The following P2RY8 variants were observed in gnomAD, a reference collection of about 807,000 sequenced individuals.
The protein encoded by P2RY8 is S-geranylgeranyl-glutathione receptor P2RY8.
In P2RY8, 6 loss-of-function variants were observed where a neutral mutation model predicts 10.0. The ratio of observed to expected loss-of-function variants is 0.60; its 90% CI spans 0.33 to 1.19. The LOEUF is 1.19. Among genes scored for constraint, P2RY8 ranks in the 50% most tolerant of loss-of-function variants. P2RY8 has a pLI of 0.04. For synonymous variants in P2RY8, 276 were observed against 252.5 expected (o/e 1.09, Z -0.88); for missense variants, 456 against 542.0 (o/e 0.84, Z 1.58).
chrX:1,524,645 A>ATCCATGCATCCATC (rs1569538712), intron 1 of P2RY8, among the ~76,000 whole-genome samples: 1 of 42,220 alleles, frequency 2.4e-5, no homozygotes, highest in Non-Finnish European at 4.6e-5. Context: ...ATCCATCCAT[A>ATCCATGCATCCATC]CATCCATCCA....
At chrX:1,497,976 G>A (rs1435507690) in intron 1 of P2RY8, among the ~76,000 whole-genome samples, 1 of 152,000 alleles carries the variant, frequency 6.6e-6, no homozygotes, top group Non-Finnish European at 1.5e-5. Flanking sequence ...GTACACTCCC[G>A]CCGGGTGCCA....
chrX:1,509,483 GCATC>G (rs768584539), intron 1 of P2RY8, among the ~76,000 whole-genome samples: 139 of 124,758 alleles, frequency 1.1e-3, no homozygotes, highest in African/African-American at 4.2e-3. Flanking sequence ...TATCATCTAT[GCATC>G]CATCCATCCA....
chrX:1,498,310 G>A (rs2092137966), intron 1 of P2RY8, among the ~76,000 whole-genome samples: 2 of 148,886 alleles, frequency 1.3e-5, no homozygotes, highest in African/African-American at 4.9e-5. Flanking sequence ...GGAGGCTGAG[G>A]CAGGAGAATG....
intron 1 of P2RY8, 49 bp from the exon 2 acceptor site, chrX:1,466,631 AGGC>A: frequency 3.3e-6 from 5 of 1,515,454 alleles, no homozygotes; most frequent in Non-Finnish European, 3.5e-6. Flanking sequence ...GCAGGTAAAG[AGGC>A]GGCTGCCGGG....
chrX:1,491,998 C>A (rs1214612743), intron 1 of P2RY8, among the ~76,000 whole-genome samples: 2 of 152,224 alleles, frequency 1.3e-5, no homozygotes, highest in African/African-American at 2.4e-5. Flanking sequence ...TCCCTCCGGT[C>A]CACTTTGGTC....
In P2RY8 at chrX:1,524,886, CATCT is replaced by C. The variant is rs1451654865; in HGVS notation, c.-25+12031_-25+12034del. Among the ~76,000 whole-genome samples, 59 of 71,028 alleles carry C rather than the reference CATCT, an allele frequency of 8.3e-4. 1 individual carries two copies. The highest frequency in any genetic ancestry group is 2.4e-3 in the African/African-American group (55 of 22,878). 46.6% of individuals were successfully genotyped at this position (71,028 alleles called of 152,430 possible). On this transcript the variant is annotated intron_variant, in intron 1 of 1. Transcript: ENST00000381297. ...TCAACCATCCACTCATCCATCCATC[CATCT>C]ATCCATCCATCCATCCATCCATCCA...
chrX:1,477,611 T>C (rs1271042857), intron 1 of P2RY8, among the ~76,000 whole-genome samples: 10 of 152,216 alleles, frequency 6.6e-5, no homozygotes, highest in Non-Finnish European at 1.3e-4. Flanking sequence ...CAAATGTGAA[T>C]GATTCAGGTA....
intron 1 of P2RY8, among the ~76,000 whole-genome samples, chrX:1,493,803 C>A (rs185479148): frequency 4.3e-4 from 66 of 152,272 alleles, no homozygotes; most frequent in African/African-American, 1.4e-3. Flanking sequence ...TCTTTTCTTG[C>A]GGCAACGTCT....
chrX:1,516,903 C>T (rs1208951982), intron 1 of P2RY8, among the ~76,000 whole-genome samples: 1 of 143,998 alleles, frequency 6.9e-6, no homozygotes, highest in African/African-American at 2.6e-5. Flanking sequence ...GCCTCCAGGG[C>T]TGTGGGACAA....
chrX:1,465,576 G>T lies in P2RY8; in HGVS notation c.983C>A (p.Ala328Asp), dbSNP rs1438542160. Residue 328 changes from alanine (A) to aspartate (D), a missense_variant, in exon 2 of 2, where the codon GCC (alanine) becomes GAC (aspartate). Transcript: ENST00000381297. ...LDTRRESLFS[A>D]RTTSVRSEAG... ...CTCGGAGCGCACGGACGTGGTCCTG[G>T]CGGAGAAGAGGCTCTCGCGGCGCGT... 1.9e-6 allele frequency: 3 copies of T among 1,612,868 alleles called. No individual in the cohort carries two copies. In the East Asian group the frequency reaches 6.7e-5, roughly 36 times the overall value.
At chrX:1,493,410 GGAGGAA>G (rs2092079947) in intron 1 of P2RY8, among the ~76,000 whole-genome samples, 3 of 40,780 alleles carry the variant, frequency 7.4e-5, no homozygotes, top group Non-Finnish European at 1.1e-4. Context: ...GGAGGAAGGA[GGAGGAA>G]GGAGGAAGGA....
At chrX:1,521,942 C>CTTTTTT (rs1189470045) in intron 1 of P2RY8, among the ~76,000 whole-genome samples, 37 of 48,682 alleles carry the variant, frequency 7.6e-4, no homozygotes, top group South Asian at 2.5e-3. Context: ...CTCTCTCGCT[C>CTTTTTT]TCTTTTTTTT....
At chrX:1,529,845 C>A (rs796410189) in intron 1 of P2RY8, among the ~76,000 whole-genome samples, 2 of 151,908 alleles carry the variant, frequency 1.3e-5, no homozygotes, top group Admixed American at 6.6e-5. Context: ...GTGGTTTCAA[C>A]TAGGGGTGAT....
intron 1 of P2RY8, among the ~76,000 whole-genome samples, chrX:1,524,805 TCATCCATC>T (rs756684695): frequency 0.12 from 9,314 of 77,256 alleles, 811 homozygotes; most frequent in Middle Eastern, 0.18. Flanking sequence ...ATCCATCCAC[TCATCCATC>T]CATCCATCCA....
rs1261027363 is a variant in P2RY8 at position 1,463,755 on chromosome X, C to T, written c.*1724G>A. 4.3e-6 allele frequency: 1 copy of T among 233,058 alleles called. No individual in the cohort carries two copies. The highest frequency in any genetic ancestry group is 2.2e-5 in the African/African-American group (1 of 45,314). The allele number at this position is 233,058 out of a possible 1,614,324, so 14.4% of individuals were successfully genotyped here. A position where few individuals can be genotyped will look rare whatever the true frequency, so the allele number is the denominator to read the frequency against. On this transcript the variant is annotated 3_prime_UTR_variant, in exon 2 of 2. Transcript: ENST00000381297. ...TGCCTCTCCCAGCTCCTGGGGACTC[C>T]AGGCATCCCTGGGCTTGGGGCAGCA...
In P2RY8 at chrX:1,532,535, T is replaced by C. The variant is rs780955876; in HGVS notation, c.-25+4386A>G. On this transcript the variant is annotated intron_variant, in intron 1 of 1. Transcript: ENST00000381297. ...GATGTATATGATGTGTATATATATATACATATACTTATGATGGAATACTAC... is the reference window on the plus strand; with the variant it reads ...GATGTATATGATGTGTATATATATACACATATACTTATGATGGAATACTAC... Among the ~76,000 whole-genome samples, 36 of 151,300 alleles carry C rather than the reference T, an allele frequency of 2.4e-4. 1 individual carries two copies. The South Asian group carries it at 4.4e-3, about 18-fold the overall frequency.
In P2RY8 at chrX:1,524,629, C is replaced by A. The variant is rs865998925; in HGVS notation, c.-25+12292G>T. ...TCTATCCATCCATCCATCCATTCAT[C>A]CATCCATCCATCCATACATCCATCC... is the stretch of plus-strand genomic sequence containing the variant. On this transcript the variant is annotated intron_variant, in intron 1 of 1. Transcript: ENST00000381297. Among the ~76,000 whole-genome samples the A allele has an allele frequency of 1.1e-3, 93 of 87,270 alleles. 10 individuals carry two copies. Among genetic ancestry groups the A allele is most frequent in the Non-Finnish European group, 1.3e-3 (57 of 43,356 alleles). 57.3% of individuals were successfully genotyped at this position (87,270 alleles called of 152,430 possible). A position where few individuals can be genotyped will look rare whatever the true frequency, so the allele number is the denominator to read the frequency against.
intron 1 of P2RY8, among the ~76,000 whole-genome samples, chrX:1,495,843 TAC>T (rs2092111558): frequency 8.3e-6 from 1 of 120,426 alleles, no homozygotes. Flanking sequence ...CCCCCCAGTC[TAC>T]GGTATTCTGT....
At chrX:1,536,649 C>T (rs1195600799) in intron 1 of P2RY8, among the ~76,000 whole-genome samples, 1 of 152,102 alleles carries the variant, frequency 6.6e-6, no homozygotes, top group Non-Finnish European at 1.5e-5. Context: ...CCCACCTCGG[C>T]CTCTGAAAGT....
Sources: allele counts gnomAD v4.1 joint callset (sites outside exome capture counted in the v4.1 genomes callset), GRCh38; gene constraint gnomAD v4.1.1; transcripts MANE v1.5; gene names NCBI Gene and HGNC (gene_info 2026-07-23, HGNC 2026-07-21).